Variants in MINDY2 observed in about 807,000 individuals in gnomAD.
The protein encoded by MINDY2 is MINDY lysine 48 deubiquitinase 2.
Under a neutral mutation model 68.2 loss-of-function variants are expected in MINDY2, and 52 were observed. That is an observed-to-expected ratio of 0.76 (90% CI 0.61 to 0.96). The LOEUF (loss-of-function observed/expected upper bound fraction) is 0.96. MINDY2 is among the 40% of genes least tolerant of loss of function. MINDY2 has a pLI of 0.00. For missense variants in MINDY2, 881 were observed against 773.4 expected (o/e 1.14, Z -1.65); for synonymous variants, 372 against 303.0 (o/e 1.23, Z -2.36).
At chr15:58,807,852 A>G (rs1410255875) in intron 3 of MINDY2, among the ~76,000 whole-genome samples, 1 of 152,094 alleles carries the variant, frequency 6.6e-6, no homozygotes, top group Admixed American at 6.6e-5. Context: ...TTCCATGGAC[A>G]CAGTAATAAA....
intron 1 of MINDY2, among the ~76,000 whole-genome samples, chr15:58,783,863 T>A (rs1901314211): frequency 6.6e-6 from 1 of 152,258 alleles, no homozygotes; most frequent in African/African-American, 2.4e-5. Context: ...GAGCATCACC[T>A]GAGCCCGGGG....
intron 2 of MINDY2, chr15:58,796,197 C>T (rs933000838): frequency 6.6e-6 from 3 of 452,892 alleles, no homozygotes; most frequent in African/African-American, 4.0e-5. Flanking sequence ...TAATGGAGAA[C>T]ATGTGACTTG....
In MINDY2 at chr15:58,854,521, C is replaced by A. The variant is rs759644795; in HGVS notation, c.1777C>A (p.Gln593Lys). 1.2e-6 allele frequency: 2 copies of A among 1,613,404 alleles called. No individual in the cohort carries two copies. The stretch of plus-strand genomic sequence containing the variant: ...ACAAGCCTCTCCATCAAGTGGAAGA[C>A]AATCTGGGAATAGTGAACGTAAACG... ...PAQASPSSGR[Q>K]SGNSERKRKE... The change falls in exon 9 of 9, where the codon CAA becomes AAA. Residue 593 changes from glutamine (Q) to lysine (K), a missense_variant. Physicochemically the swap from Gln to Lys is moderately conservative, Grantham distance 53. Transcript: ENST00000559228.
At chr15:58,793,193 G>A (rs574013684) in intron 2 of MINDY2, among the ~76,000 whole-genome samples, 29 of 152,284 alleles carry the variant, frequency 1.9e-4, no homozygotes, top group Admixed American at 7.9e-4. Flanking sequence ...GGCTCACGCC[G>A]TAATCCCAGC....
chr15:58,793,110 C>T (rs1257301579), intron 2 of MINDY2, among the ~76,000 whole-genome samples: 4 of 152,164 alleles, frequency 2.6e-5, no homozygotes, highest in Admixed American at 1.3e-4. Flanking sequence ...TGGGGGTTGA[C>T]TGCTAATGGG....
At chr15:58,778,483 A>G (rs1411942456) in intron 1 of MINDY2, among the ~76,000 whole-genome samples, 1 of 151,602 alleles carries the variant, frequency 6.6e-6, no homozygotes, top group East Asian at 1.9e-4. Context: ...TAAAATAAGG[A>G]TTAATATATT....
At chr15:58,788,377 G>C (rs1025176452) in intron 2 of MINDY2, among the ~76,000 whole-genome samples, 8 of 152,180 alleles carry the variant, frequency 5.3e-5, no homozygotes, top group South Asian at 2.1e-4. Flanking sequence ...TCTACAAAAT[G>C]TTAGTTATCA....
At chr15:58,776,859 T>TA (rs140985962) in intron 1 of MINDY2, among the ~76,000 whole-genome samples, 3,673 of 150,768 alleles carry the variant, frequency 0.024, 124 homozygotes, top group African/African-American at 0.078. Flanking sequence ...CCCATCTCTG[T>TA]AAAAAAAAAT....
chr15:58,825,254 G>A (rs1418226393), intron 5 of MINDY2, among the ~76,000 whole-genome samples: 2 of 152,154 alleles, frequency 1.3e-5, no homozygotes, highest in Non-Finnish European at 2.9e-5. Context: ...AGAGTTAGGT[G>A]TTCTTTCAAC....
intron 5 of MINDY2, among the ~76,000 whole-genome samples, chr15:58,824,002 A>G (rs2031238143): frequency 6.6e-6 from 1 of 152,212 alleles, no homozygotes; most frequent in African/African-American, 2.4e-5. Flanking sequence ...AGAGTATGCT[A>G]TTCAGTAGTA....
At chr15:58,821,144 G>A (rs1419347794) in intron 4 of MINDY2, among the ~76,000 whole-genome samples, 4 of 151,340 alleles carry the variant, frequency 2.6e-5, no homozygotes, top group African/African-American at 4.8e-5. Flanking sequence ...GAATCATGGC[G>A]CATATCCCAT....
intron 1 of MINDY2, among the ~76,000 whole-genome samples, chr15:58,778,923 G>C (rs1291883290): frequency 1.3e-5 from 2 of 148,984 alleles, no homozygotes; most frequent in Admixed American, 1.3e-4. Flanking sequence ...TGCAGTTTCC[G>C]GCTAATTTTT....
At chr15:58,777,151 G>C (rs1595696764) in intron 1 of MINDY2, among the ~76,000 whole-genome samples, 1 of 152,130 alleles carries the variant, frequency 6.6e-6, no homozygotes, top group Admixed American at 6.6e-5. Flanking sequence ...TATCAGTTTT[G>C]CTTTGTTTTT....
rs1225952047 is a variant in MINDY2, at chr15:58,821,329, T to TA, written c.1123-374dup. Among the ~76,000 whole-genome samples the TA allele has an allele frequency of 9.4e-3, 1,330 of 140,882 alleles. 5 individuals are homozygous for TA. Among genetic ancestry groups the TA allele is most frequent in the African/African-American group, 0.022 (848 of 38,826 alleles). 92.4% of individuals were successfully genotyped at this position (140,882 alleles called of 152,430 possible). ...AAATGTGCAACATTTGTTTTTTAGT[T>TA]AAAAAAAAAAAAAACTTGATACTTT... On this transcript the variant is annotated intron_variant, in intron 4 of 8. Transcript: ENST00000559228.
intron 4 of MINDY2, among the ~76,000 whole-genome samples, chr15:58,816,556 T>C (rs939289443): frequency 1.3e-5 from 2 of 152,080 alleles, no homozygotes; most frequent in South Asian, 2.1e-4. Context: ...CAGTTGTGCA[T>C]CAGCATGCCC....
At position 58,833,819 on chromosome 15, in the gene MINDY2, T is replaced by C. The variant is rs527896267; in HGVS notation, c.1368+1903T>C. On this transcript the variant is annotated intron_variant, in intron 6 of 8. Transcript: ENST00000559228. The stretch of plus-strand genomic sequence containing the variant: ...GCAGGAGACAGAAGCCTTCCTCTTA[T>C]CTCAACTGCAAAGAGGCGTTCCTTC... Among the ~76,000 whole-genome samples, 8 of 151,992 alleles carry C rather than the reference T, an allele frequency of 5.3e-5. No individual in the cohort carries two copies. The East Asian group carries it at 1.6e-3, about 30-fold the overall frequency.
chr15:58,796,086 A>C, intron 2 of MINDY2: 1 of 455,812 alleles, frequency 2.2e-6, no homozygotes, highest in Non-Finnish European at 4.4e-6. Context: ...TGAGTTGAAG[A>C]GTATCTGGGA....
rs373599820 is a variant in MINDY2, at chr15:58,823,579, C to T, written c.1225+1760C>T. On this transcript the variant is annotated intron_variant, in intron 5 of 8. Transcript: ENST00000559228. Reference sequence around the variant, plus strand: ...ACTTGGGAGGCTGAGGCTGAAAGATCACTTGAGCCCAGGAGGTCAAGGCTG... The same window carrying T: ...ACTTGGGAGGCTGAGGCTGAAAGATTACTTGAGCCCAGGAGGTCAAGGCTG... Among the ~76,000 whole-genome samples, 101 of 152,142 alleles carry T rather than the reference C, an allele frequency of 6.6e-4. 1 individual carries two copies. The South Asian group carries it at 0.019, about 29-fold the overall frequency.
chr15:58,796,853 A>G (rs535393095), intron 2 of MINDY2, among the ~76,000 whole-genome samples: 2 of 152,238 alleles, frequency 1.3e-5, no homozygotes, highest in South Asian at 4.1e-4. Context: ...AATTTAAGTA[A>G]TGAGTTACAT....
Sources: gnomAD v4.1 joint callset for allele counts (sites outside exome capture counted in the v4.1 genomes callset) on GRCh38, gnomAD v4.1.1 for gene constraint, MANE v1.5 for transcripts, NCBI Gene and HGNC (gene_info 2026-07-23, HGNC 2026-07-21) for gene names.